ANKRD11: variants seen among roughly 807,000 people sequenced by gnomAD.
The protein encoded by ANKRD11 is ankyrin repeat domain 11, also known as ankyrin repeat domain-containing protein 11.
Under a neutral mutation model 195.7 loss-of-function variants are expected in ANKRD11, and 17 were observed. That is an observed-to-expected ratio of 0.09 (90% confidence interval 0.06 to 0.13). The LOEUF (loss-of-function observed/expected upper bound fraction) is 0.13. Among genes scored for constraint, ANKRD11 ranks in the 10% least tolerant of loss-of-function variants. The pLI is 1.00. For synonymous variants in ANKRD11, 1,953 were observed against 1,528.1 expected (o/e 1.28, Z -6.49); for missense variants, 3,735 against 3,566.1 (o/e 1.05, Z -1.21).
chr16:89,417,111 A>C (rs1418601278), intron 2 of ANKRD11, among the ~76,000 whole-genome samples: 1 of 152,162 alleles, frequency 6.6e-6, no homozygotes, highest in Non-Finnish European at 1.5e-5. Context: ...CTTTCCTTCA[A>C]ACCTCACCTC....
intron 7 of ANKRD11, 29 bp downstream of exon 7, chr16:89,288,499 G>C (rs748871121): frequency 1.9e-6 from 3 of 1,613,850 alleles, no homozygotes; most frequent in Admixed American, 3.3e-5. Flanking sequence ...AGGACAGGCC[G>C]GATGTGTGAA....
chr16:89,486,360 C>T (rs1400243037), intron 1 of ANKRD11, among the ~76,000 whole-genome samples: 1 of 151,312 alleles, frequency 6.6e-6, no homozygotes, highest in African/African-American at 2.4e-5. Flanking sequence ...AGGATCGCTT[C>T]AGCTCAGGGA....
At chr16:89,442,165 G>C (rs1426870710) in intron 1 of ANKRD11, among the ~76,000 whole-genome samples, 2 of 152,240 alleles carry the variant, frequency 1.3e-5, no homozygotes, top group Non-Finnish European at 2.9e-5. Context: ...GCAGGGGGAG[G>C]AGGCTCAGCA....
At chr16:89,381,331 C>CA (rs10567322) in intron 2 of ANKRD11, among the ~76,000 whole-genome samples, 5,856 of 75,828 alleles carry the variant, frequency 0.077, 287 homozygotes, top group Non-Finnish European at 0.11. Flanking sequence ...GACTCTGCTG[C>CA]AAAAAAAAAA....
At chr16:89,470,505 T>C (rs1033412749) in intron 1 of ANKRD11, among the ~76,000 whole-genome samples, 45 of 136,160 alleles carry the variant, frequency 3.3e-4, no homozygotes, top group Admixed American at 2.6e-3. Flanking sequence ...GTTAACACCA[T>C]AGACTGAGAA....
At chr16:89,349,133 G>GAAAAAAAAAAAAAAAAAA (rs2039078338) in intron 2 of ANKRD11, among the ~76,000 whole-genome samples, 1 of 1,572 alleles carries the variant, frequency 6.4e-4, no homozygotes, top group Non-Finnish European at 1.2e-3. Context: ...GTCTCAAAAA[G>GAAAAAAAAAAAAAAAAAA]TAAAAAAAAA....
intron 2 of ANKRD11, among the ~76,000 whole-genome samples, chr16:89,384,689 T>A (rs1349249571): frequency 6.6e-6 from 1 of 152,022 alleles, no homozygotes; most frequent in Non-Finnish European, 1.5e-5. Flanking sequence ...ACAGAAAGAA[T>A]AGAACTCAAT....
At chr16:89,422,006 G>GCT (rs2042530635) in intron 1 of ANKRD11, among the ~76,000 whole-genome samples, 1 of 152,154 alleles carries the variant, frequency 6.6e-6, no homozygotes, top group African/African-American at 2.4e-5. Context: ...ACTAATGGCG[G>GCT]CTCTCTCTGA....
At chr16:89,372,151 G>C (rs2040220309) in intron 2 of ANKRD11, among the ~76,000 whole-genome samples, 1 of 152,226 alleles carries the variant, frequency 6.6e-6, no homozygotes, top group Admixed American at 6.5e-5. Flanking sequence ...CCTGGCCTGG[G>C]AAGAAGGACC....
At position 89,280,958 on chromosome 16, in the gene ANKRD11, C is replaced by G. The variant is rs1393525898; in HGVS notation, c.5584G>C (p.Val1862Leu). 1 of 1,573,620 alleles carries G rather than the reference C, an allele frequency of 6.4e-7. No homozygotes were observed. Among genetic ancestry groups the G allele is most frequent in the East Asian group, 2.3e-5 (1 of 44,342 alleles). The change falls in exon 9 of 13, where the codon GTC becomes CTC. Residue 1862 changes from valine (V) to leucine (L), a missense_variant. Transcript: ENST00000301030. ...GCCGGTGGGCAGTGCAAAGCGTCGA[C>G]TTTGGGCGACGGGAGGCCATAGTCT... The part of the protein sequence containing the change: ...SPDYGLPSPK[V>L]DALHCPPAAV...
chr16:89,360,468 CTA>C (rs1437328063), intron 2 of ANKRD11: 1 of 152,182 alleles, frequency 6.6e-6, no homozygotes, highest in African/African-American at 2.4e-5. Context: ...TTCTGAGAAA[CTA>C]TATACCACAA....
At chr16:89,398,098 ACCT>A (rs1392630324) in intron 2 of ANKRD11, among the ~76,000 whole-genome samples, 2 of 151,400 alleles carry the variant, frequency 1.3e-5, no homozygotes, top group African/African-American at 4.9e-5. Context: ...ATTACCTGTA[ACCT>A]CAGCGCTCTG....
At chr16:89,273,237 A>AT (rs2033337018) in intron 11 of ANKRD11, among the ~76,000 whole-genome samples, 1 of 152,040 alleles carries the variant, frequency 6.6e-6, no homozygotes, top group Non-Finnish European at 1.5e-5. Context: ...GAGGGAAGTA[A>AT]TGCTTCCTTG....
intron 2 of ANKRD11, among the ~76,000 whole-genome samples, chr16:89,340,527 G>A (rs1259513003): frequency 2.0e-5 from 3 of 152,076 alleles, no homozygotes; most frequent in Non-Finnish European, 2.9e-5. Context: ...CACCTGCCTC[G>A]GCCTCCCAAA....
At chr16:89,319,334 C>T (rs1484253345) in intron 2 of ANKRD11, among the ~76,000 whole-genome samples, 1 of 152,230 alleles carries the variant, frequency 6.6e-6, no homozygotes, top group Non-Finnish European at 1.5e-5. Flanking sequence ...AGGCACCTTC[C>T]CCAATGGACC....
At chr16:89,359,897 T>C (rs1184129101) in intron 2 of ANKRD11, among the ~76,000 whole-genome samples, 1 of 152,170 alleles carries the variant, frequency 6.6e-6, no homozygotes, top group African/African-American at 2.4e-5. Flanking sequence ...ATAGTTTATA[T>C]GTTTTTTAAC....
chr16:89,268,795 G>C (rs2032862420), intron 12 of ANKRD11, 132 bp from the exon 13 acceptor site: 1 of 1,009,864 alleles, frequency 9.9e-7, no homozygotes, highest in African/African-American at 1.6e-5. Flanking sequence ...GCCAGGCCCA[G>C]CTGTACCCGC....
intron 1 of ANKRD11, among the ~76,000 whole-genome samples, chr16:89,432,952 C>G (rs1597387845): frequency 1.0e-5 from 1 of 98,410 alleles, no homozygotes; most frequent in African/African-American, 3.9e-5. Flanking sequence ...CTATCTCTCT[C>G]TCTCTCTCTC....
chr16:89,452,241 G>C (rs923525256), intron 1 of ANKRD11, among the ~76,000 whole-genome samples: 6 of 152,072 alleles, frequency 3.9e-5, no homozygotes, highest in African/African-American at 1.4e-4. Context: ...CTGGGCAACA[G>C]AGTGAGACTC....
Sources: gnomAD v4.1 joint callset for allele counts (sites outside exome capture counted in the v4.1 genomes callset) on GRCh38, gnomAD v4.1.1 for gene constraint, MANE v1.5 for transcripts, NCBI Gene and HGNC (gene_info 2026-07-23, HGNC 2026-07-21) for gene names.